The following CWC27 variants were observed in gnomAD, a reference collection of about 807,000 sequenced individuals.
The protein encoded by CWC27 is CWC27 spliceosome associated cyclophilin, also known as spliceosome-associated protein CWC27 homolog.
In CWC27, 47 loss-of-function variants were observed where a neutral mutation model predicts 63.6. The observed-to-expected ratio is 0.74, with a 90% CI of 0.58 to 0.94. The LOEUF (loss-of-function observed/expected upper bound fraction) is 0.94. CWC27 is among the 40% of genes least tolerant of loss of function. The pLI, the probability that CWC27 is intolerant of heterozygous loss-of-function variation, is 0.00. For synonymous variants in CWC27, 175 were observed against 179.8 expected (o/e 0.97, Z 0.22); for missense variants, 495 against 554.3 (o/e 0.89, Z 1.07).
chr5:64,779,134 AT>A (rs1328925439), intron 2 of CWC27, among the ~76,000 whole-genome samples: 1 of 152,168 alleles, frequency 6.6e-6, no homozygotes, highest in East Asian at 1.9e-4. Flanking sequence ...TTCAGGTTGT[AT>A]TCAGTTGCAG....
At chr5:64,916,950 G>A (rs1199883907) in intron 11 of CWC27, among the ~76,000 whole-genome samples, 1 of 151,502 alleles carries the variant, frequency 6.6e-6, no homozygotes, top group Non-Finnish European at 1.5e-5. Context: ...TAGACGACTT[G>A]TACTGACTAG....
At chr5:64,879,842 T>C (rs370597970) in intron 10 of CWC27, among the ~76,000 whole-genome samples, 15 of 151,912 alleles carry the variant, frequency 9.9e-5, no homozygotes, top group African/African-American at 3.4e-4. Context: ...GGGAAAATAT[T>C]GTCACTTTAC....
At chr5:64,920,468 C>T (rs968858325) in intron 11 of CWC27, among the ~76,000 whole-genome samples, 4 of 151,944 alleles carry the variant, frequency 2.6e-5, no homozygotes, top group Admixed American at 6.6e-5. Context: ...CTTTGGTATC[C>T]GAATGATGCT....
At chr5:64,922,047 G>A (rs939026118) in intron 11 of CWC27, among the ~76,000 whole-genome samples, 2 of 152,182 alleles carry the variant, frequency 1.3e-5, no homozygotes, top group Admixed American at 6.5e-5. Flanking sequence ...GGTTTCCTTT[G>A]TAAGTGACCT....
intron 10 of CWC27, among the ~76,000 whole-genome samples, chr5:64,876,782 A>T (rs550957149): frequency 6.6e-6 from 1 of 152,182 alleles, no homozygotes; most frequent in South Asian, 2.1e-4. Flanking sequence ...TAGAAACTGG[A>T]GAAAATGAAA....
chr5:64,995,255 A>C (rs1242437494), intron 13 of CWC27, among the ~76,000 whole-genome samples: 1 of 152,136 alleles, frequency 6.6e-6, no homozygotes, highest in African/African-American at 2.4e-5. Context: ...TACAGGTATG[A>C]GCCACGGCGC....
At position 64,800,230 on chromosome 5, in the gene CWC27, A is replaced by G; in HGVS notation, c.670-18A>G. The G allele has an allele frequency of 1.3e-6, 2 of 1,555,622 alleles. No homozygotes were observed. The highest frequency in any genetic ancestry group is 1.8e-6 in the Non-Finnish European group (2 of 1,130,560). On this transcript the variant is annotated intron_variant, in intron 7 of 13. Transcript: ENST00000381070. ...TGTTTATTTCCCCCCTCATGATTAT[A>G]TTGTACATTCTTTGCAGAGCATGAA...
rs562761453 is a variant in CWC27 at position 64,772,023 on chromosome 5, C to T, written c.43-2668C>T. On this transcript the variant is annotated intron_variant, in intron 1 of 13. Transcript: ENST00000381070. ...TCTATGTATTACAGCTCATTTTGTC[C>T]TCACAGAAATCCTAAAAGATATTAT... is the stretch of plus-strand genomic sequence containing the variant. Among the ~76,000 whole-genome samples the T allele has an allele frequency of 3.2e-4, 49 of 152,162 alleles. 1 individual carries two copies. In the South Asian group the frequency reaches 1.0e-2, roughly 31 times the overall value.
At chr5:64,906,147 C>T (rs1042718352) in intron 11 of CWC27, among the ~76,000 whole-genome samples, 7 of 152,100 alleles carry the variant, frequency 4.6e-5, no homozygotes, top group Non-Finnish European at 1.0e-4. Flanking sequence ...CATACGTGTG[C>T]ATGTGTCTTT....
At chr5:64,826,091 C>CTATCTATCTATCTATCTATCTATCTATG (rs1561424128) in intron 10 of CWC27, among the ~76,000 whole-genome samples, 5 of 152,010 alleles carry the variant, frequency 3.3e-5, no homozygotes, top group Non-Finnish European at 7.4e-5. Context: ...ATCTATCTAT[C>CTATCTATCTATCTATCTATCTATCTATG]TATCTATCTA....
chr5:64,948,683 T>C (rs1748643030), intron 11 of CWC27, among the ~76,000 whole-genome samples: 1 of 152,044 alleles, frequency 6.6e-6, no homozygotes. Flanking sequence ...TAATTAATAA[T>C]CATAATTTAG....
At chr5:64,959,158 C>G (rs1021923464) in intron 11 of CWC27, among the ~76,000 whole-genome samples, 1 of 151,996 alleles carries the variant, frequency 6.6e-6, no homozygotes, top group African/African-American at 2.4e-5. Flanking sequence ...TAGAGACCCC[C>G]CCATTAAATT....
In CWC27 at chr5:64,804,401, G is replaced by A. The variant is rs750081188; in HGVS notation, c.938+15G>A. ...GTCAGCCGCAGGTGAGTCAGTTACT[G>A]TGCTAGATATCAGAGTTTTTGTCTT... On this transcript the variant is annotated intron_variant, in intron 10 of 13. Coordinates refer to ENST00000381070, the MANE Select transcript of CWC27 (RefSeq NM_005869.4). 1 of 1,581,292 alleles carries A rather than the reference G, an allele frequency of 6.3e-7. No homozygotes were observed. The highest frequency in any genetic ancestry group is 1.9e-5 in the Admixed American group (1 of 53,784).
chr5:64,777,293 T>C (rs958599269), intron 2 of CWC27, among the ~76,000 whole-genome samples: 3 of 152,058 alleles, frequency 2.0e-5, no homozygotes, highest in African/African-American at 7.2e-5. Context: ...GAGTGACAAA[T>C]ATAAGCATAA....
intron 12 of CWC27, among the ~76,000 whole-genome samples, chr5:64,972,442 T>TA (rs1393841876): frequency 6.6e-6 from 1 of 152,114 alleles, no homozygotes; most frequent in African/African-American, 2.4e-5. Context: ...GTTGAAAAGT[T>TA]AGAGGGCAGA....
intron 13 of CWC27, among the ~76,000 whole-genome samples, chr5:65,002,496 T>C (rs1473326362): frequency 6.6e-6 from 1 of 152,168 alleles, no homozygotes; most frequent in African/African-American, 2.4e-5. Context: ...TATTTCCATT[T>C]TCATTTGTTT....
At chr5:64,837,506 CTT>C (rs561589444) in intron 10 of CWC27, among the ~76,000 whole-genome samples, 1 of 144,600 alleles carries the variant, frequency 6.9e-6, no homozygotes, top group African/African-American at 2.5e-5. Context: ...AACTCATTCT[CTT>C]TTTTTTTTTG....
At chr5:64,838,716 A>G (rs1455042041) in intron 10 of CWC27, among the ~76,000 whole-genome samples, 1 of 152,324 alleles carries the variant, frequency 6.6e-6, no homozygotes, top group Non-Finnish European at 1.5e-5. Flanking sequence ...CCCCATAGGT[A>G]TTAAAGCTGA....
chr5:64,885,698 G>GGTGGGTGT (rs1554074481), intron 11 of CWC27, 152 bp downstream of exon 11: 2 of 261,442 alleles, frequency 7.6e-6, no homozygotes, highest in South Asian at 9.5e-5. Context: ...CTTGAGTTAG[G>GGTGGGTGT]GTGTGTGTGT....
Sources: gnomAD v4.1 joint callset for allele counts (sites outside exome capture counted in the v4.1 genomes callset) on GRCh38, gnomAD v4.1.1 for gene constraint, MANE v1.5 for transcripts, NCBI Gene and HGNC (gene_info 2026-07-23, HGNC 2026-07-21) for gene names.